CATSPERQ: variants seen among roughly 807,000 people sequenced by gnomAD.
CATSPERQ encodes cation channel sperm-associated auxiliary subunit theta.
the CATSPERQ span, chr8:144,354,618 G>A: frequency 6.2e-4 from 859 of 1,383,366 alleles, 15 homozygotes; most frequent in South Asian, 7.2e-3. This position sits in a 1 kb window ranked among gnomAD's most constrained non-coding sequence, Gnocchi z 4.6. Flanking sequence ...CGCGCGCACC[G>A]TTTGGCTCCT....
chr8:144,353,934 G>A, the CATSPERQ span: 1 of 1,527,758 alleles, frequency 6.5e-7, no homozygotes, highest in Non-Finnish European at 8.8e-7. Context: ...CGTCCCTGGC[G>A]CACCCTCCCG....
At chr8:144,354,450 C>T in the CATSPERQ span, 1 of 1,312,502 alleles carries the variant, frequency 7.6e-7, no homozygotes, top group Non-Finnish European at 1.0e-6. The surrounding 1 kb of genome is among the most constrained non-coding windows in gnomAD (Gnocchi z 4.6). Flanking sequence ...GACGTCTCGC[C>T]TGCGGCCTCT....
the CATSPERQ span, chr8:144,354,779 A>G: frequency 2.6e-6 from 4 of 1,531,254 alleles, no homozygotes; most frequent in Non-Finnish European, 3.5e-6. This position sits in a 1 kb window ranked among gnomAD's most constrained non-coding sequence, Gnocchi z 4.6. Context: ...TGAGTCAGGC[A>G]GAGGTGGTCA....
At chr8:144,353,856 T>A in the CATSPERQ span, 1 of 1,535,104 alleles carries the variant, frequency 6.5e-7, no homozygotes, top group Admixed American at 2.0e-5. Context: ...AGAAGCACCT[T>A]CCGTGGGCTG....
At chr8:144,354,363 G>A in the CATSPERQ span, 146 of 1,524,314 alleles carry the variant, frequency 9.6e-5, no homozygotes, top group Middle Eastern at 4.6e-4. The surrounding 1 kb of genome is among the most constrained non-coding windows in gnomAD (Gnocchi z 4.6). Flanking sequence ...AGGACGCCCC[G>A]GCCCTGCCCG....
the CATSPERQ span, chr8:144,354,081 C>A: frequency 5.2e-6 from 8 of 1,535,272 alleles, no homozygotes; most frequent in African/African-American, 1.4e-5. The surrounding 1 kb of genome is among the most constrained non-coding windows in gnomAD (Gnocchi z 4.6). Context: ...GCGGCAGCGA[C>A]GAGATCACGA....
the CATSPERQ span, chr8:144,354,815 G>A: frequency 2.0e-6 from 3 of 1,518,170 alleles, no homozygotes; most frequent in Non-Finnish European, 2.6e-6. The surrounding 1 kb of genome is among the most constrained non-coding windows in gnomAD (Gnocchi z 4.6). Context: ...CGCTGCCGCC[G>A]CCCACTGCCC....
the CATSPERQ span, chr8:144,354,270 G>C: frequency 6.5e-7 from 1 of 1,535,828 alleles, no homozygotes; most frequent in Non-Finnish European, 8.7e-7. This position sits in a 1 kb window ranked among gnomAD's most constrained non-coding sequence, Gnocchi z 4.6. Flanking sequence ...CCAGGACCAC[G>C]CTGATGATGA....
chr8:144,354,630 C>T, the CATSPERQ span: 2 of 1,529,554 alleles, frequency 1.3e-6, no homozygotes, highest in Non-Finnish European at 1.7e-6. The surrounding 1 kb of genome is among the most constrained non-coding windows in gnomAD (Gnocchi z 4.6). Context: ...TTGGCTCCTG[C>T]TGCACGAATG....
chr8:144,354,574 T>TGCC, the CATSPERQ span: 1 of 322,966 alleles, frequency 3.1e-6, no homozygotes, highest in Non-Finnish European at 5.4e-6. This position sits in a 1 kb window ranked among gnomAD's most constrained non-coding sequence, Gnocchi z 4.6. Context: ...GCCCCGCCCT[T>TGCC]CCCAGCCCCG....
At chr8:144,353,319 C>T in the CATSPERQ span, 10 of 1,504,506 alleles carry the variant, frequency 6.6e-6, no homozygotes, top group South Asian at 1.1e-4. Flanking sequence ...ACCGAGAACA[C>T]AGTCCCGAGG....
the CATSPERQ span, chr8:144,354,567 C>T: frequency 1.4e-6 from 1 of 716,100 alleles, no homozygotes; most frequent in Non-Finnish European, 2.2e-6. The surrounding 1 kb of genome is among the most constrained non-coding windows in gnomAD (Gnocchi z 4.6). Flanking sequence ...CTCCCCCGCC[C>T]CGCCCTTCCC....
chr8:144,353,298 G>T, the CATSPERQ span: 1 of 1,483,304 alleles, frequency 6.7e-7, no homozygotes, highest in Non-Finnish European at 8.9e-7. Context: ...CCAGAGTGGG[G>T]CTGGGAGGTT....
the CATSPERQ span, chr8:144,353,634 C>T: frequency 6.9e-7 from 1 of 1,453,464 alleles, no homozygotes; most frequent in Non-Finnish European, 9.2e-7. Flanking sequence ...CTGCCCGAAG[C>T]CCCGGCGCCC....
chr8:144,354,601 C>G, the CATSPERQ span: 1 of 1,504,096 alleles, frequency 6.6e-7, no homozygotes, highest in Non-Finnish European at 8.9e-7. This position sits in a 1 kb window ranked among gnomAD's most constrained non-coding sequence, Gnocchi z 4.6. Context: ...CCCGCCCCGC[C>G]CAGCCTCGCG....
At chr8:144,354,584 G>GCA in the CATSPERQ span, 1 of 266,068 alleles carries the variant, frequency 3.8e-6, no homozygotes, top group Non-Finnish European at 5.5e-6. The surrounding 1 kb of genome is among the most constrained non-coding windows in gnomAD (Gnocchi z 4.6). Context: ...TCCCAGCCCC[G>GCA]CCCCGCCCCG....
chr8:144,354,574 T>TGCCCCCCCCCCCCCCCCC, the CATSPERQ span: 2 of 322,946 alleles, frequency 6.2e-6, no homozygotes, highest in Non-Finnish European at 1.1e-5. The surrounding 1 kb of genome is among the most constrained non-coding windows in gnomAD (Gnocchi z 4.6). Flanking sequence ...GCCCCGCCCT[T>TGCCCCCCCCCCCCCCCCC]CCCAGCCCCG....
At chr8:144,353,984 C>T in the CATSPERQ span, 1 of 1,534,562 alleles carries the variant, frequency 6.5e-7, no homozygotes, top group South Asian at 1.2e-5. Context: ...CGCACGTAGA[C>T]CAGATGCAAG....
chr8:144,353,984 C>G, the CATSPERQ span: 1 of 1,534,562 alleles, frequency 6.5e-7, no homozygotes, highest in Middle Eastern at 1.7e-4. Flanking sequence ...CGCACGTAGA[C>G]CAGATGCAAG....
Sources: gnomAD v4.1 joint callset for allele counts on GRCh38, gnomAD v4.1.1 for gene constraint, Gnocchi (gnomAD v3.1) non-coding constraint, MANE v1.5 for transcripts, NCBI Gene and HGNC (gene_info 2026-07-23, HGNC 2026-07-21) for gene names.